CEP290: variants seen among roughly 807,000 people sequenced by gnomAD.
The protein encoded by CEP290 is centrosomal protein 290.
CEP290 carries 317 observed loss-of-function variants against 344.9 expected under a neutral mutation model. The observed-to-expected ratio is 0.92, with a 90% CI of 0.84 to 1.01. The LOEUF is 1.01. Ranked by LOEUF, CEP290 falls within the 50% of genes least tolerant of loss-of-function variation. The probability of loss-of-function intolerance (pLI) is 0.00; values close to 1 mark genes in which losing one functional copy is unlikely to be tolerated. For synonymous variants in CEP290, 932 were observed against 895.8 expected, an observed-to-expected ratio of 1.04 and a Z score of -0.72; for missense variants, 2,754 against 2,761.4, an observed-to-expected ratio of 1.00 and a Z score of 0.06.
chr12:88,078,910 T>C (rs991127061), intron 39 of CEP290, among the ~76,000 whole-genome samples, 182 bp downstream of exon 39: 1 of 152,144 alleles, frequency 6.6e-6, no homozygotes, highest in African/African-American at 2.4e-5. Context: ...AAGATGATAA[T>C]CAGTAAATGA....
At chr12:88,130,153 T>A (rs2039976363) in intron 9 of CEP290, 115 bp downstream of exon 9, 1 of 1,088,242 alleles carries the variant, frequency 9.2e-7, no homozygotes, top group Admixed American at 2.6e-5. Flanking sequence ...TACAAGTACA[T>A]AGTGACAGAT....
chr12:88,114,557 C>A lies in CEP290; in HGVS notation c.1915G>T (p.Glu639Ter), dbSNP rs1555220625. The A allele has an allele frequency of 6.5e-7, 1 of 1,538,176 alleles. No homozygotes were observed. Among genetic ancestry groups the A allele is most frequent in the Non-Finnish European group, 8.8e-7 (1 of 1,141,252 alleles). The change falls in exon 20 of 54, where the codon GAA becomes TAA. Residue 639 changes from glutamate (E) to a stop codon, truncating the protein, a stop_gained. Coordinates refer to ENST00000552810, the MANE Select transcript of CEP290 (RefSeq NM_025114.4). LOFTEE classifies it high-confidence loss of function. ...AGTTGCTTATTTTCTTCAACTAATT[C>A]TTTTACTGTAATTACACAGTTTTCT... Reference protein sequence around the residue: ...VIAKFQNKLKELVEENKQLEE... With the variant: ...VIAKFQNKLK
Position 88,103,017 on chromosome 12 carries a change from T to C in CEP290, c.2818-6A>G. On this transcript the variant is annotated splice_polypyrimidine_tract_variant and splice_region_variant and intron_variant, in intron 25 of 53. Coordinates refer to ENST00000552810, the MANE Select transcript of CEP290 (RefSeq NM_025114.4). ...ATCTTGAAAATGGCCATTTCCTATG[T>C]AAATAAAGATACACTGAGTTATGCT... 3 of 1,522,978 alleles carry C rather than the reference T, an allele frequency of 2.0e-6. No individual in the cohort carries two copies. Among genetic ancestry groups the C allele is most frequent in the Non-Finnish European group, 2.6e-6 (3 of 1,142,638 alleles). 94.3% of individuals were successfully genotyped at this position (1,522,978 alleles called of 1,614,324 possible). A position where few individuals can be genotyped will look rare whatever the true frequency, so the allele number is the denominator to read the frequency against.
chr12:88,084,934 A>G, intron 34 of CEP290, 82 bp from the exon 35 acceptor site: 1 of 1,146,920 alleles, frequency 8.7e-7, no homozygotes, highest in Non-Finnish European at 1.2e-6. Context: ...ATTAGTTATT[A>G]GCCAAAAAAA....
intron 37 of CEP290, among the ~76,000 whole-genome samples, chr12:88,082,438 A>G (rs1314980928): frequency 6.6e-6 from 1 of 152,212 alleles, no homozygotes; most frequent in Non-Finnish European, 1.5e-5. Flanking sequence ...CAGGCCTGTA[A>G]TCCCAGCACT....
intron 40 of CEP290, 83 bp from the exon 41 acceptor site, chr12:88,077,427 A>T: frequency 2.2e-6 from 2 of 925,898 alleles, no homozygotes; most frequent in South Asian, 3.9e-5. Flanking sequence ...ATATAATAGC[A>T]ACTTTCTGAA....
At position 88,089,185 on chromosome 12, in the gene CEP290, T is replaced by G. The variant is rs1565845673; in HGVS notation, c.3876A>C (p.Gln1292His). Residue 1292 changes from glutamine to histidine, a missense_variant, in exon 31 of 54, where the codon CAA becomes CAC. Transcript: ENST00000552810. Reference protein sequence around the residue: ...QQEKFSKTMIQLQNDKLKIMQ... With the variant: ...QQEKFSKTMIHLQNDKLKIMQ... ...TTATCTTAAGTTTGTCATTTTGTAG[T>G]TGAATCATTGTTTTGGAGAACTTTT... The G allele has an allele frequency of 1.2e-6, 2 of 1,612,876 alleles. No individual in the cohort carries two copies. Among genetic ancestry groups the G allele is most frequent in the East Asian group, 4.5e-5 (2 of 44,874 alleles).
At chr12:88,127,486 TCAAAAACAAAAA>T (rs897853859) in intron 11 of CEP290, among the ~76,000 whole-genome samples, 11 of 151,974 alleles carry the variant, frequency 7.2e-5, no homozygotes, top group South Asian at 2.1e-4. Context: ...AGACTCTGTC[TCAAAAACAAAAA>T]CAAAAACAAA....
At chr12:88,107,431 T>G (rs966280044) in intron 23 of CEP290, among the ~76,000 whole-genome samples, 1 of 152,046 alleles carries the variant, frequency 6.6e-6, no homozygotes, top group Non-Finnish European at 1.5e-5. Context: ...TACCCTATAC[T>G]AATTCTAGAA....
chr12:88,069,942 AC>A (rs1202691716), intron 43 of CEP290, among the ~76,000 whole-genome samples: 2 of 152,214 alleles, frequency 1.3e-5, no homozygotes, highest in Non-Finnish European at 2.9e-5. Flanking sequence ...ACTGAAGTTT[AC>A]CTTGGAAGAA....
In CEP290 at chr12:88,129,978, AAG is replaced by A. The variant is rs562345836; in HGVS notation, c.670-104_670-103del. On this transcript the variant is annotated intron_variant, in intron 9 of 53. Transcript: ENST00000552810. ...CAGCCATAAGTGTCCTCTAGAAAAA[AAG>A]AGAATTCTTTATAGACCTTTACTAA... 2.8e-3 allele frequency: 2,187 copies of A among 781,582 alleles called. 7 individuals are homozygous for A. Among genetic ancestry groups the A allele is most frequent in the Non-Finnish European group, 3.7e-3 (1,935 of 527,682 alleles). 48.4% of individuals were successfully genotyped at this position (781,582 alleles called of 1,614,324 possible).
rs371157150 is a variant in CEP290 at position 88,084,608 on chromosome 12, C to T, written c.4682G>A (p.Arg1561His). The T allele has an allele frequency of 7.7e-5, 124 of 1,611,432 alleles. No individual in the cohort carries two copies. Among genetic ancestry groups the T allele is most frequent in the Non-Finnish European group, 9.8e-5 (115 of 1,177,912 alleles). The stretch of plus-strand genomic sequence containing the variant: ...TACCTCTCTGGCTTTTTCTAGAAGA[C>T]GTTGATACTTCTTTAATACTTCTTC... ...QKEEVLKKYQ[R>H]LLEKAREEQR... is the part of the protein sequence containing the mutation. Residue 1561 changes from arginine to histidine, a missense_variant, in exon 35 of 54, where the codon CGT (arginine) becomes CAT (histidine). Transcript: ENST00000552810.
rs534440681 is a variant in CEP290 at position 88,049,313 on chromosome 12, C to A, written c.7311G>T (p.Lys2437Asn). 13 of 1,581,564 alleles carry A rather than the reference C, an allele frequency of 8.2e-6. No individual in the cohort carries two copies. In the East Asian group the frequency reaches 9.0e-5, roughly 11 times the overall value. The change falls in exon 54 of 54, where the codon AAG becomes AAT. Residue 2437 changes from lysine (K) to asparagine (N), a missense_variant. Transcript: ENST00000552810. ...LKYNYKEEVK[K>N]NILLEEKVKK... ...TTACCTTCTCTTCTAAGAGAATATT[C>A]TTCTTCACTTCTTCCTTGTAATTAT... is the stretch of plus-strand genomic sequence containing the variant.
intron 52 of CEP290, 131 bp from the exon 53 acceptor site, chr12:88,050,564 G>A (rs1288185739): frequency 1.9e-6 from 1 of 518,856 alleles, no homozygotes; most frequent in East Asian, 3.3e-5. Flanking sequence ...GGATGTTATG[G>A]CTGAAATACT....
At chr12:88,087,546 C>G (rs1001055764) in intron 32 of CEP290, among the ~76,000 whole-genome samples, 22 of 151,608 alleles carry the variant, frequency 1.5e-4, no homozygotes, top group Middle Eastern at 6.8e-3. Context: ...TGGTGAAACC[C>G]CGTCTCTACT....
chr12:88,078,253 C>T lies in CEP290; in HGVS notation c.5365-335G>A, dbSNP rs571907950. On this transcript the variant is annotated intron_variant, in intron 39 of 53. Coordinates refer to ENST00000552810, the MANE Select transcript of CEP290 (RefSeq NM_025114.4). ...AAGTATATAACAATATATATGACAA[C>T]GTTTTAAACACTATGAAGCATAAGA... is the stretch of plus-strand genomic sequence containing the variant. 1.2e-3 allele frequency among the ~76,000 whole-genome samples: 177 copies of T among 151,996 alleles called. 1 individual carries two copies. The highest frequency in any genetic ancestry group is 4.0e-3 in the African/African-American group (168 of 41,498).
In CEP290 at chr12:88,093,921, AC is replaced by A; in HGVS notation, c.3157del (p.Val1053PhefsTer7). On this transcript the variant is annotated frameshift_variant, in exon 28 of 54. Transcript: ENST00000552810. LOFTEE classifies it high-confidence loss of function. Reference protein sequence around the residue: ...AKKSITNSDIVSISKKITMLE... With the variant: ...AKKSITNSDIXSISKKITMLE... ...CATAGTTATTTTTTTTGAAATGGAAACAATGTCACTGTTGGTTATTGATTTC... is the reference window on the plus strand; with the variant it reads ...CATAGTTATTTTTTTTGAAATGGAAAAATGTCACTGTTGGTTATTGATTTC... 6.2e-7 allele frequency: 1 copy of A among 1,612,754 alleles called. No individual in the cohort carries two copies. Among genetic ancestry groups the A allele is most frequent in the South Asian group, 1.1e-5 (1 of 90,944 alleles).
intron 51 of CEP290, 115 bp downstream of exon 51, chr12:88,054,225 A>G: frequency 1.5e-6 from 1 of 662,340 alleles, no homozygotes. Flanking sequence ...TAAGCCTGTT[A>G]GGCAGTAAAG....
chr12:88,080,380 A>G lies in CEP290; in HGVS notation c.5028T>C (p.His1676=), dbSNP rs775086368. Residue 1676 remains histidine (H), a synonymous_variant, in exon 38 of 54, where the codon CAT becomes CAC. Transcript: ENST00000552810. ...ENIKLQLQEN[H]EDEVKKVKAE... is the part of the protein sequence containing the mutation. ...CTTTTACTTTTTTCACTTCATCTTC[A>G]TGGTTTTCTTGAAGCCTGATGTAAA... 5.6e-6 allele frequency: 9 copies of G among 1,611,710 alleles called. No individual in the cohort carries two copies. Among genetic ancestry groups the G allele is most frequent in the African/African-American group, 1.3e-5 (1 of 74,774 alleles).
Sources: allele counts gnomAD v4.1 joint callset (sites outside exome capture counted in the v4.1 genomes callset), GRCh38; gene constraint gnomAD v4.1.1; transcripts MANE v1.5; gene names NCBI Gene and HGNC (gene_info 2026-07-23, HGNC 2026-07-21).